Variants in GATAD2A observed in about 807,000 individuals in gnomAD.
GATAD2A encodes transcriptional repressor p66-alpha.
GATAD2A carries 12 observed loss-of-function variants against 68.5 expected under a neutral mutation model. The observed-to-expected ratio is 0.18, with a 90% confidence interval of 0.11 to 0.28. The LOEUF (loss-of-function observed/expected upper bound fraction) is 0.28. Ranked by LOEUF, GATAD2A falls within the 10% of genes least tolerant of loss-of-function variation. The pLI, the probability that GATAD2A is intolerant of heterozygous loss-of-function variation, is 1.00. For synonymous variants in GATAD2A, 410 were observed against 375.3 expected, an observed-to-expected ratio of 1.09 and a Z score of -1.07; for missense variants, 755 against 868.5, an observed-to-expected ratio of 0.87 and a Z score of 1.64.
intron 1 of GATAD2A, among the ~76,000 whole-genome samples, chr19:19,430,530 G>A (rs1176131314): frequency 6.6e-6 from 1 of 152,208 alleles, no homozygotes; most frequent in Non-Finnish European, 1.5e-5. Context: ...CTGGAGCCAA[G>A]CTGTGTTTGG....
chr19:19,492,821 G>GT, intron 4 of GATAD2A, 109 bp downstream of exon 4: 1 of 1,092,954 alleles, frequency 9.1e-7, no homozygotes, highest in East Asian at 2.5e-5. Context: ...CCTTGAGGGA[G>GT]TATAGGGCAA....
upstream of GATAD2A, among the ~76,000 whole-genome samples, chr19:19,401,422 C>T (rs957467507): frequency 4.0e-5 from 6 of 151,892 alleles, no homozygotes; most frequent in African/African-American, 1.5e-4. Context: ...ACCGTGTTAG[C>T]CAGGATGGTC....
intron 1 of GATAD2A, among the ~76,000 whole-genome samples, chr19:19,410,578 T>G (rs2050800532): frequency 6.6e-6 from 1 of 152,232 alleles, no homozygotes; most frequent in Non-Finnish European, 1.5e-5. Context: ...GTTTGAACCT[T>G]GAAACGTAGC....
At position 19,465,361 on chromosome 19, in the gene GATAD2A, T is replaced by C. The variant is rs2057787918; in HGVS notation, c.16T>C (p.Cys6Arg). The C allele has an allele frequency of 6.8e-6, 11 of 1,613,804 alleles. No homozygotes were observed. Among genetic ancestry groups the C allele is most frequent in the Non-Finnish European group, 8.5e-6 (10 of 1,179,804 alleles). MTEEA[C>R]RTRSQKRALE... ...CAAGTTCAGAATGACCGAAGAAGCA[T>C]GCCGAACACGGAGTCAGAAACGAGC... Residue 6 changes from cysteine to arginine, a missense_variant, in exon 2 of 12, where the codon TGC (cysteine) becomes CGC (arginine). Physicochemically the swap from Cys to Arg is radical, Grantham distance 180. Transcript: ENST00000683918.
intron 2 of GATAD2A, among the ~76,000 whole-genome samples, chr19:19,471,847 G>A (rs1469757040): frequency 2.0e-5 from 3 of 151,842 alleles, no homozygotes; most frequent in Admixed American, 1.3e-4. Context: ...CCCCTATGCC[G>A]AGTCTGGACT....
intron 1 of GATAD2A, among the ~76,000 whole-genome samples, chr19:19,445,124 A>C (rs967097986): frequency 1.3e-5 from 2 of 152,192 alleles, no homozygotes; most frequent in Admixed American, 6.5e-5. Flanking sequence ...CCATGTGTAC[A>C]GTGGGCTTGC....
chr19:19,418,343 C>T (rs1238814119), intron 1 of GATAD2A, among the ~76,000 whole-genome samples: 1 of 152,152 alleles, frequency 6.6e-6, no homozygotes, highest in African/African-American at 2.4e-5. Flanking sequence ...AACTGTAGTG[C>T]TTTGTGTTAG....
chr19:19,462,148 G>A (rs769585609), intron 1 of GATAD2A, among the ~76,000 whole-genome samples: 7 of 152,212 alleles, frequency 4.6e-5, no homozygotes, highest in East Asian at 1.9e-4. Flanking sequence ...CATCTGTCGC[G>A]CTTTCTTCTT....
chr19:19,438,549 C>T (rs1025802247), intron 1 of GATAD2A, among the ~76,000 whole-genome samples: 2 of 152,226 alleles, frequency 1.3e-5, no homozygotes, highest in Admixed American at 6.5e-5. Context: ...GGCTGGGTAC[C>T]CACCCCTCTG....
chr19:19,494,522 C>G, intron 5 of GATAD2A, 139 bp downstream of exon 5: 2 of 587,022 alleles, frequency 3.4e-6, no homozygotes, highest in South Asian at 4.1e-5. Context: ...TGGAGTGAGG[C>G]CCTCCAGCCC....
At chr19:19,505,270 C>G (rs2060812555) in intron 11 of GATAD2A, 74 bp from the exon 12 acceptor site, 2 of 1,456,234 alleles carry the variant, frequency 1.4e-6, no homozygotes, top group African/African-American at 2.8e-5. Context: ...GGGGTCTAGG[C>G]AGCTATGGCT....
intron 2 of GATAD2A, among the ~76,000 whole-genome samples, chr19:19,471,511 C>CAGG (rs747596874): frequency 1.5e-4 from 22 of 149,794 alleles, no homozygotes; most frequent in Non-Finnish European, 2.7e-4. Context: ...TTGACTAGGA[C>CAGG]AGGGCTGGGG....
At chr19:19,494,968 C>T (rs937889556) in intron 5 of GATAD2A, among the ~76,000 whole-genome samples, 1 of 152,312 alleles carries the variant, frequency 6.6e-6, no homozygotes, top group Non-Finnish European at 1.5e-5. Flanking sequence ...AATCAGTAGT[C>T]ATCTTTCTTA....
At chr19:19,476,790 G>A (rs117015776) in intron 2 of GATAD2A, among the ~76,000 whole-genome samples, 1 of 152,338 alleles carries the variant, frequency 6.6e-6, no homozygotes, top group East Asian at 1.9e-4. Flanking sequence ...ACAGGCAGGC[G>A]TCACACCCAG....
intron 5 of GATAD2A, 128 bp from the exon 6 acceptor site, chr19:19,495,626 C>CGAA (rs2060091288): frequency 1.1e-6 from 1 of 891,452 alleles, no homozygotes; most frequent in East Asian, 2.7e-5. Flanking sequence ...TTTAACTTCT[C>CGAA]TGCTACTTAA....
chr19:19,495,634 T>TAA (rs3067692), intron 5 of GATAD2A, 120 bp from the exon 6 acceptor site: 98,764 of 532,492 alleles, frequency 0.19, 7,446 homozygotes, highest in African/African-American at 0.37. Flanking sequence ...CTCTGCTACT[T>TAA]AAAAAAAAAA....
At chr19:19,430,891 G>A (rs905517345) in intron 1 of GATAD2A, among the ~76,000 whole-genome samples, 2 of 151,986 alleles carry the variant, frequency 1.3e-5, no homozygotes, top group African/African-American at 4.8e-5. Flanking sequence ...TTGATTTCAT[G>A]TAAATTGCCA....
chr19:19,466,444 A>T (rs1244096000), intron 2 of GATAD2A, among the ~76,000 whole-genome samples: 1 of 151,240 alleles, frequency 6.6e-6, no homozygotes, highest in African/African-American at 2.4e-5. Context: ...CTCTCTCCTC[A>T]CCGCCCACTG....
chr19:19,402,827 G>A (rs1173054691), upstream of GATAD2A, among the ~76,000 whole-genome samples: 1 of 144,218 alleles, frequency 6.9e-6, no homozygotes, highest in Non-Finnish European at 1.5e-5. Flanking sequence ...AGGCTGTAGC[G>A]TAATAGCGCG....
Sources: gnomAD v4.1 joint callset for allele counts (sites outside exome capture counted in the v4.1 genomes callset) on GRCh38, gnomAD v4.1.1 for gene constraint, MANE v1.5 for transcripts, NCBI Gene and HGNC (gene_info 2026-07-23, HGNC 2026-07-21) for gene names.